The following RANBP2 variants were observed in gnomAD, a reference collection of about 807,000 sequenced individuals.
RANBP2 encodes E3 SUMO-protein ligase RanBP2.
RANBP2 carries 57 observed loss-of-function variants against 303.6 expected under a neutral mutation model. The observed-to-expected ratio is 0.19, with a 90% confidence interval of 0.15 to 0.23. The LOEUF is 0.23. RANBP2 is among the 10% of genes least tolerant of loss of function. The pLI, the probability that RANBP2 is intolerant of heterozygous loss-of-function variation, is 1.00. For missense variants in RANBP2, 3,138 were observed against 3,780.8 expected (o/e 0.83, Z 4.46); for synonymous variants, 1,167 against 1,301.5 (o/e 0.90, Z 2.23).
At chr2:108,825,990 A>G in the RANBP2 span, among the ~76,000 whole-genome samples, 1 of 152,132 alleles carries the variant, frequency 6.6e-6, no homozygotes, top group Admixed American at 6.6e-5. Context: ...GTTTTCATTC[A>G]TGTTTCCCTG....
At chr2:108,761,574 A>T (rs1466148979) in intron 18 of RANBP2, among the ~76,000 whole-genome samples, 1 of 152,104 alleles carries the variant, frequency 6.6e-6, no homozygotes, top group Non-Finnish European at 1.5e-5. Context: ...TTTTTATTTT[A>T]AGCCAGGGAA....
the RANBP2 span, among the ~76,000 whole-genome samples, chr2:109,272,524 G>A: frequency 1.6e-4 from 25 of 152,210 alleles, no homozygotes; most frequent in African/African-American, 5.3e-4. Context: ...CACAGGGGCC[G>A]AGTAGGGTGT....
At chr2:108,934,399 C>A in the RANBP2 span, among the ~76,000 whole-genome samples, 1 of 152,134 alleles carries the variant, frequency 6.6e-6, no homozygotes, top group Non-Finnish European at 1.5e-5. Flanking sequence ...TCCATCAGTG[C>A]CTGGCGATGC....
chr2:109,333,837 C>G, the RANBP2 span, among the ~76,000 whole-genome samples: 1 of 151,972 alleles, frequency 6.6e-6, no homozygotes, highest in Non-Finnish European at 1.5e-5. Context: ...AATAATATCT[C>G]CATTATAATA....
At chr2:109,672,042 G>A in the RANBP2 span, among the ~76,000 whole-genome samples, 1 of 151,904 alleles carries the variant, frequency 6.6e-6, no homozygotes, top group African/African-American at 2.4e-5. Flanking sequence ...TTTTTCCCAA[G>A]CAATGACCTT....
chr2:109,376,219 G>A, the RANBP2 span, among the ~76,000 whole-genome samples: 2 of 152,260 alleles, frequency 1.3e-5, no homozygotes, highest in Non-Finnish European at 2.9e-5. Context: ...AGCTGAATGG[G>A]TTTGAAGGCA....
the RANBP2 span, among the ~76,000 whole-genome samples, chr2:109,454,262 T>C: frequency 6.6e-6 from 1 of 152,236 alleles, no homozygotes; most frequent in Admixed American, 6.5e-5. Context: ...ATAATTACTT[T>C]GTCTACTATC....
At chr2:109,104,735 G>A in the RANBP2 span, among the ~76,000 whole-genome samples, 4 of 152,092 alleles carry the variant, frequency 2.6e-5, no homozygotes, top group Non-Finnish European at 4.4e-5. Context: ...CGCCCACCTC[G>A]GCCTCCCAAA....
At chr2:109,188,537 C>A in the RANBP2 span, among the ~76,000 whole-genome samples, 1 of 152,202 alleles carries the variant, frequency 6.6e-6, no homozygotes, top group South Asian at 2.1e-4. Flanking sequence ...TTCAGAGAAG[C>A]GGCATCCCCC....
At chr2:109,643,723 C>A in the RANBP2 span, among the ~76,000 whole-genome samples, 1 of 151,666 alleles carries the variant, frequency 6.6e-6, no homozygotes, top group Admixed American at 6.6e-5. Context: ...TGAGATCACA[C>A]CTCTGCACTC....
chr2:109,340,749 G>A, the RANBP2 span, among the ~76,000 whole-genome samples: 1 of 152,116 alleles, frequency 6.6e-6, no homozygotes, highest in Admixed American at 6.5e-5. Context: ...TAAGAAGCAC[G>A]GAAGGGCAGA....
Position 108,768,173 on chromosome 2 carries a change from T to A in RANBP2, c.7634T>A (p.Phe2545Tyr), listed in dbSNP as rs755481512. Residue 2545 changes from phenylalanine to tyrosine, a missense_variant, in exon 20 of 29, where the codon TTT becomes TAT. Around this residue, in one of 20 missense-constraint regions of RANBP2, gnomAD observed 497 missense variants for 465.8 expected, o/e 1.07. Transcript: ENST00000283195. ...AACAGTTCAGCCACTGGGTCTTTGT[T>A]TGGATTTAGTTTTAATGCACCTTTG... ...FGNSSATGSL[F>Y]GFSFNAPLKS... is the part of the protein sequence containing the mutation. 2 of 1,611,896 alleles carry A rather than the reference T, an allele frequency of 1.2e-6. No individual in the cohort carries two copies. The highest frequency in any genetic ancestry group is 4.5e-5 in the East Asian group (2 of 44,896).
At chr2:109,194,490 A>G in the RANBP2 span, among the ~76,000 whole-genome samples, 1 of 152,210 alleles carries the variant, frequency 6.6e-6, no homozygotes, top group African/African-American at 2.4e-5. Flanking sequence ...GTCCTCTGAC[A>G]GGTGGGTGGT....
intron 7 of RANBP2, among the ~76,000 whole-genome samples, chr2:108,741,266 G>A (rs995752628): frequency 3.3e-5 from 5 of 151,496 alleles, no homozygotes; most frequent in Admixed American, 1.3e-4. Context: ...GCGTGATCTC[G>A]GCTCACTGCA....
At chr2:109,007,454 GA>G in the RANBP2 span, among the ~76,000 whole-genome samples, 1 of 152,226 alleles carries the variant, frequency 6.6e-6, no homozygotes, top group Non-Finnish European at 1.5e-5. Context: ...CTTTCAGGGT[GA>G]GGTTGTGACC....
intron 3 of RANBP2, 26 bp from the exon 4 acceptor site, chr2:108,731,296 A>T: frequency 6.2e-7 from 1 of 1,608,602 alleles, no homozygotes; most frequent in Non-Finnish European, 8.5e-7. Flanking sequence ...TTATTTACTA[A>T]TCTTTAATTT....
chr2:109,467,666 A>G, the RANBP2 span, among the ~76,000 whole-genome samples: 1 of 152,264 alleles, frequency 6.6e-6, no homozygotes, highest in Non-Finnish European at 1.5e-5. Flanking sequence ...TTGTGAGTAT[A>G]TAGATTTTAG....
At chr2:108,787,827 G>A (rs1245772519), downstream of RANBP2, among the ~76,000 whole-genome samples, 1 of 152,084 alleles carries the variant, frequency 6.6e-6, no homozygotes, top group East Asian at 1.9e-4. Context: ...CATGAGATGA[G>A]TGATGTGTGG....
At chr2:108,886,681 G>T in the RANBP2 span, among the ~76,000 whole-genome samples, 1 of 151,986 alleles carries the variant, frequency 6.6e-6, no homozygotes, top group African/African-American at 2.4e-5. Flanking sequence ...CAAAGTGCTG[G>T]GATTACAGGT....
Sources: gnomAD v4.1 joint callset for allele counts (sites outside exome capture counted in the v4.1 genomes callset) on GRCh38, gnomAD v4.1.1 for gene constraint, gnomAD v4.1.1 regional missense constraint, MANE v1.5 for transcripts, NCBI Gene and HGNC (gene_info 2026-07-23, HGNC 2026-07-21) for gene names.